Variants in GFRA1 observed in about 807,000 individuals in gnomAD.
The protein encoded by GFRA1 is GDNF family receptor alpha-1.
Under a neutral mutation model 51.6 loss-of-function variants are expected in GFRA1, and 16 were observed. The observed-to-expected ratio is 0.31, with a 90% confidence interval of 0.21 to 0.47. The LOEUF is 0.47. Ranked by LOEUF, GFRA1 falls within the 20% of genes least tolerant of loss-of-function variation. The probability of loss-of-function intolerance (pLI) is 1.00; values close to 1 mark genes in which losing one functional copy is unlikely to be tolerated. For missense variants in GFRA1, 530 were observed against 594.3 expected (o/e 0.89, Z 1.13); for synonymous variants, 270 against 241.3 (o/e 1.12, Z -1.10).
chr10:116,218,551 G>A (rs1224483750), intron 4 of GFRA1, among the ~76,000 whole-genome samples: 1 of 152,170 alleles, frequency 6.6e-6, no homozygotes, highest in African/African-American at 2.4e-5. Flanking sequence ...CTCCTCCAGA[G>A]TCCCCGCTCA....
At chr10:116,145,321 G>C (rs924152943) in intron 5 of GFRA1, among the ~76,000 whole-genome samples, 1 of 151,942 alleles carries the variant, frequency 6.6e-6, no homozygotes, top group African/African-American at 2.4e-5. Context: ...CAATATGAAG[G>C]AGAGAAATAG....
At chr10:116,096,007 T>C (rs1213307197) in intron 7 of GFRA1, among the ~76,000 whole-genome samples, 1 of 152,146 alleles carries the variant, frequency 6.6e-6, no homozygotes, top group African/African-American at 2.4e-5. Flanking sequence ...CTTCTGACTC[T>C]CACGGCAGTC....
Position 116,269,517 on chromosome 10 carries a change from A to G in GFRA1, c.404T>C (p.Val135Ala). The G allele has an allele frequency of 6.3e-7, 1 of 1,593,264 alleles. No homozygotes were observed. The highest frequency in any genetic ancestry group is 8.6e-7 in the Non-Finnish European group (1 of 1,161,000). Residue 135 changes from valine to alanine, a missense_variant, in exon 4 of 11, where the codon GTC becomes GCC. By Grantham distance (64) the Val-to-Ala change is moderately conservative. Transcript: ENST00000355422. ...NSRLSDIFRV[V>A]PFISDVFQQV... ...AATCTGCTTACCTGATATGAATGGG[A>G]CCACCCGGAATATATCTGACAATCT...
chr10:116,127,437 A>C (rs1289512588), intron 5 of GFRA1, among the ~76,000 whole-genome samples: 1 of 152,178 alleles, frequency 6.6e-6, no homozygotes, highest in African/African-American at 2.4e-5. Context: ...CATGAGTCAT[A>C]TTTTATTGTG....
intron 5 of GFRA1, among the ~76,000 whole-genome samples, chr10:116,205,930 A>T (rs1004756585): frequency 6.1e-5 from 6 of 98,500 alleles, no homozygotes; most frequent in African/African-American, 2.9e-4. Flanking sequence ...CTCATATCAC[A>T]CACACACACA....
chr10:116,170,523 T>C (rs1960920091), intron 5 of GFRA1, among the ~76,000 whole-genome samples: 1 of 152,204 alleles, frequency 6.6e-6, no homozygotes, highest in South Asian at 2.1e-4. Flanking sequence ...TGTTACTAAG[T>C]AATGGAGCAG....
At chr10:116,255,351 T>G (rs1330298436) in intron 4 of GFRA1, among the ~76,000 whole-genome samples, 1 of 152,212 alleles carries the variant, frequency 6.6e-6, no homozygotes. Context: ...ATGCCTCATC[T>G]TTTAAAATTA....
intron 8 of GFRA1, among the ~76,000 whole-genome samples, chr10:116,091,060 A>T (rs545290478): frequency 6.6e-6 from 1 of 152,338 alleles, no homozygotes; most frequent in Admixed American, 6.5e-5. Context: ...CACAGGGACC[A>T]GTTCCCTTAA....
At chr10:116,078,612 G>GAAAT (rs1193766360) in intron 9 of GFRA1, among the ~76,000 whole-genome samples, 1 of 152,160 alleles carries the variant, frequency 6.6e-6, no homozygotes, top group Non-Finnish European at 1.5e-5. Flanking sequence ...CTAGAGTGGG[G>GAAAT]AAATAAACTC....
rs1390374207 is a variant in GFRA1 at position 116,225,556 on chromosome 10, A to T, written c.419-13911T>A. Among the ~76,000 whole-genome samples, 3 of 149,152 alleles carry T rather than the reference A, an allele frequency of 2.0e-5. No homozygotes were observed. In the East Asian group the frequency reaches 5.9e-4, roughly 30 times the overall value. On this transcript the variant is annotated intron_variant, in intron 4 of 10. Coordinates refer to ENST00000355422, the MANE Select transcript of GFRA1 (RefSeq NM_005264.8). ...CTCCAAAAAAAAAAAAAAAAAAAAA[A>T]AAAACTAAAATGATATTTTGAATGA...
chr10:116,085,076 C>T (rs1007055182), intron 9 of GFRA1, among the ~76,000 whole-genome samples: 2 of 152,172 alleles, frequency 1.3e-5, no homozygotes, highest in Non-Finnish European at 2.9e-5. Context: ...AGCACTTGGA[C>T]ATTTCTGTAA....
At chr10:116,173,462 C>T (rs1406911429) in intron 5 of GFRA1, among the ~76,000 whole-genome samples, 1 of 152,182 alleles carries the variant, frequency 6.6e-6, no homozygotes, top group Non-Finnish European at 1.5e-5. Context: ...TTCTAATTTT[C>T]CTAGTTCCGC....
At chr10:116,207,049 C>G (rs1429816501) in intron 5 of GFRA1, among the ~76,000 whole-genome samples, 1 of 152,208 alleles carries the variant, frequency 6.6e-6, no homozygotes, top group African/African-American at 2.4e-5. Context: ...TTTATTAACT[C>G]AAGTCCACTT....
intron 6 of GFRA1, among the ~76,000 whole-genome samples, chr10:116,107,081 C>A (rs559127470): frequency 6.6e-6 from 1 of 152,286 alleles, no homozygotes; most frequent in South Asian, 2.1e-4. Context: ...AACCCCTTTT[C>A]TTTATAAATT....
intron 5 of GFRA1, among the ~76,000 whole-genome samples, chr10:116,185,228 A>C (rs4751580): frequency 0.87 from 132,220 of 151,418 alleles, 57,778 homozygotes; most frequent in Admixed American, 0.92. Flanking sequence ...ACTTTGTGAT[A>C]TTGGATGCCT....
At chr10:116,224,456 G>T (rs1398262984) in intron 4 of GFRA1, among the ~76,000 whole-genome samples, 1 of 152,174 alleles carries the variant, frequency 6.6e-6, no homozygotes, top group Non-Finnish European at 1.5e-5. Context: ...TCCATCAACT[G>T]ACGAATGGAT....
intron 5 of GFRA1, among the ~76,000 whole-genome samples, chr10:116,179,570 A>G (rs192370471): frequency 3.3e-4 from 51 of 152,306 alleles, no homozygotes; most frequent in African/African-American, 1.1e-3. Flanking sequence ...GTCTCAATAT[A>G]CTGCCTTTTG....
chr10:116,165,535 C>A (rs763318808), intron 5 of GFRA1, among the ~76,000 whole-genome samples: 1 of 152,136 alleles, frequency 6.6e-6, no homozygotes, highest in Non-Finnish European at 1.5e-5. Flanking sequence ...AGGAATCAAC[C>A]TGGTGAATTG....
chr10:116,066,007 G>A (rs1030543749), intron 9 of GFRA1, among the ~76,000 whole-genome samples: 1 of 152,166 alleles, frequency 6.6e-6, no homozygotes, highest in African/African-American at 2.4e-5. Flanking sequence ...GGTTACTAAA[G>A]AAAACGTTTT....
Sources: allele counts gnomAD v4.1 joint callset (sites outside exome capture counted in the v4.1 genomes callset), GRCh38; gene constraint gnomAD v4.1.1; transcripts MANE v1.5; gene names NCBI Gene and HGNC (gene_info 2026-07-23, HGNC 2026-07-21).